The following DOCK3 variants were observed in gnomAD, a reference collection of about 807,000 sequenced individuals.
DOCK3 encodes dedicator of cytokinesis 3.
DOCK3 carries 60 observed loss-of-function variants against 265.6 expected under a neutral mutation model. The observed-to-expected ratio is 0.23, with a 90% CI of 0.18 to 0.28. The LOEUF is 0.28. Among genes scored for constraint, DOCK3 ranks in the 10% least tolerant of loss-of-function variants. The pLI, the probability that DOCK3 is intolerant of heterozygous loss-of-function variation, is 1.00. For synonymous variants in DOCK3, 881 were observed against 938.0 expected, an observed-to-expected ratio of 0.94 and a Z score of 1.11; for missense variants, 1,981 against 2,594.3, an observed-to-expected ratio of 0.76 and a Z score of 5.14.
chr3:50,844,633 A>T (rs879502812), intron 3 of DOCK3, among the ~76,000 whole-genome samples: 5 of 152,216 alleles, frequency 3.3e-5, no homozygotes, highest in Admixed American at 2.0e-4. Flanking sequence ...AAACATTTAG[A>T]AGGAGAAACT....
chr3:51,071,240 G>A (rs1436412237), intron 6 of DOCK3, among the ~76,000 whole-genome samples: 1 of 152,086 alleles, frequency 6.6e-6, no homozygotes, highest in African/African-American at 2.4e-5. Context: ...GTGTCCCTAG[G>A]TTGAACATGA....
At chr3:51,275,442 G>A (rs780418509) in intron 25 of DOCK3, among the ~76,000 whole-genome samples, 5 of 152,158 alleles carry the variant, frequency 3.3e-5, no homozygotes, top group Non-Finnish European at 7.3e-5. Context: ...CAGAAATATA[G>A]TTATCTGTAG....
chr3:51,040,790 G>C lies in DOCK3; in HGVS notation c.316-23658G>C, dbSNP rs138607674. On this transcript the variant is annotated intron_variant, in intron 5 of 52. Transcript: ENST00000266037. Reference sequence around the variant, plus strand: ...GTTCACAGCATCTTCACCAGGAGTAGATTCTGTCTCAGGAAACCACTTCCT... The same window carrying C: ...GTTCACAGCATCTTCACCAGGAGTACATTCTGTCTCAGGAAACCACTTCCT... 3.6e-3 allele frequency among the ~76,000 whole-genome samples: 552 copies of C among 152,234 alleles called. 6 individuals carry two copies. The highest frequency in any genetic ancestry group is 0.013 in the African/African-American group (529 of 41,552).
rs1431873534 is a variant in DOCK3, at chr3:51,356,464, C to T, written c.4474C>T (p.Arg1492Trp). Residue 1492 changes from arginine (R) to tryptophan (W), a missense_variant, in exon 43 of 53, where the codon CGG (arginine) becomes TGG (tryptophan). Coordinates refer to ENST00000266037, the MANE Select transcript of DOCK3 (RefSeq NM_004947.5). The stretch of plus-strand genomic sequence containing the variant: ...GACCCACAGCTTGCCTGGCATCTCT[C>T]GGTGGTTTGAAGTGGAGAGGAGGGA... Reference protein sequence around the residue: ...TLTHSLPGISRWFEVERRELV... With the variant: ...TLTHSLPGISWWFEVERRELV... 1 of 1,613,520 alleles carries T rather than the reference C, an allele frequency of 6.2e-7. No homozygotes were observed. Among genetic ancestry groups the T allele is most frequent in the Non-Finnish European group, 8.5e-7 (1 of 1,179,832 alleles).
intron 19 of DOCK3, among the ~76,000 whole-genome samples, chr3:51,234,871 G>A (rs2078288602): frequency 6.6e-6 from 1 of 152,158 alleles, no homozygotes; most frequent in African/African-American, 2.4e-5. Context: ...ACTTCCTGGT[G>A]GTGAAAGCCC....
At chr3:50,678,591 G>T (rs2034154472) in intron 1 of DOCK3, among the ~76,000 whole-genome samples, 1 of 152,164 alleles carries the variant, frequency 6.6e-6, no homozygotes. Context: ...CGTCTTAGAA[G>T]TGGAAGCTGC....
At chr3:51,219,326 G>A (rs1290998932) in intron 14 of DOCK3, among the ~76,000 whole-genome samples, 1 of 152,078 alleles carries the variant, frequency 6.6e-6, no homozygotes, top group Non-Finnish European at 1.5e-5. Context: ...TCTGCTTATT[G>A]CCTGCTTTGT....
At chr3:51,276,436 T>C (rs985084618) in intron 25 of DOCK3, 51 of 985,342 alleles carry the variant, frequency 5.2e-5, no homozygotes, top group Non-Finnish European at 5.8e-5. Context: ...GGAACACAAG[T>C]GGGAACCAGT....
At chr3:51,164,555 C>T (rs1388750008) in intron 12 of DOCK3, among the ~76,000 whole-genome samples, 3 of 141,382 alleles carry the variant, frequency 2.1e-5, no homozygotes, top group Non-Finnish European at 3.0e-5. Context: ...ACCCGGGAGG[C>T]AGAACTTGTA....
intron 4 of DOCK3, among the ~76,000 whole-genome samples, chr3:50,921,286 A>T (rs2050448215): frequency 2.0e-5 from 3 of 151,988 alleles, no homozygotes; most frequent in Non-Finnish European, 4.4e-5. Context: ...CTTCTGCTTC[A>T]TTTCATTCAG....
rs958619279 is a variant in DOCK3 at position 51,223,849 on chromosome 3, C to T, written c.1253-1800C>T. On this transcript the variant is annotated intron_variant, in intron 14 of 52. Coordinates refer to ENST00000266037, the MANE Select transcript of DOCK3 (RefSeq NM_004947.5). ...TATTCAGCCTTTGTCCTGACAGTAG[C>T]AGACTGATGAATTTGAGCTTCCTTT... 2.6e-5 allele frequency among the ~76,000 whole-genome samples: 4 copies of T among 152,178 alleles called. No homozygotes were observed. The South Asian group carries it at 6.2e-4, about 24-fold the overall frequency.
chr3:51,183,086 CT>C (rs2087397962), intron 12 of DOCK3, among the ~76,000 whole-genome samples: 1 of 152,210 alleles, frequency 6.6e-6, no homozygotes, highest in Non-Finnish European at 1.5e-5. Flanking sequence ...CTTTCTCCAT[CT>C]GCCACTTCCT....
chr3:51,073,080 G>A (rs1361549209), intron 6 of DOCK3, among the ~76,000 whole-genome samples: 3 of 151,918 alleles, frequency 2.0e-5, no homozygotes, highest in Non-Finnish European at 2.9e-5. Context: ...TTGTAGGCTA[G>A]TTCACATATA....
intron 5 of DOCK3, among the ~76,000 whole-genome samples, chr3:50,946,330 G>GT (rs767121470): frequency 1.3e-5 from 2 of 152,018 alleles, no homozygotes; most frequent in African/African-American, 2.4e-5. Flanking sequence ...GATAATGCCC[G>GT]TTTTTTGCTG....
chr3:51,310,267 C>G lies in DOCK3; in HGVS notation c.2958C>G (p.Asn986Lys). 6.2e-7 allele frequency: 1 copy of G among 1,606,264 alleles called. No homozygotes were observed. Among genetic ancestry groups the G allele is most frequent in the South Asian group, 1.1e-5 (1 of 88,968 alleles). The stretch of plus-strand genomic sequence containing the variant: ...TGAAGATTTTTTGCGTGTTCCGGAA[C>G]CTGATGAAGATGAGTGTCTTCCCTC... ...FLLKIFCVFR[N>K]LMKMSVFPRD... is the part of the protein sequence containing the mutation. The change falls in exon 28 of 53, where the codon AAC (asparagine) becomes AAG (lysine). Residue 986 changes from asparagine to lysine, a missense_variant. Around this residue, in one of 4 missense-constraint regions of DOCK3, gnomAD observed 1,357 missense variants for 1,866.8 expected, o/e 0.73. Transcript: ENST00000266037.
intron 5 of DOCK3, among the ~76,000 whole-genome samples, chr3:51,062,599 A>G (rs1348328635): frequency 2.0e-5 from 3 of 152,066 alleles, no homozygotes; most frequent in Admixed American, 2.0e-4. Flanking sequence ...TGATTTGCCT[A>G]TTGCCTGCTC....
chr3:50,938,253 CAG>C (rs1461370238), intron 5 of DOCK3, among the ~76,000 whole-genome samples: 1 of 151,956 alleles, frequency 6.6e-6, no homozygotes, highest in African/African-American at 2.4e-5. Flanking sequence ...CTTAATCTAA[CAG>C]AGGTGCAAAA....
rs1427173105 is a variant in DOCK3, at chr3:51,374,425, C to T, written c.5294-44C>T. On this transcript the variant is annotated intron_variant, in intron 49 of 52. Coordinates refer to ENST00000266037, the MANE Select transcript of DOCK3 (RefSeq NM_004947.5). This position sits in a 1 kb window ranked among gnomAD's most constrained non-coding sequence, Gnocchi z 4.8. ...GATGCTTGACTGCTGGACCCTCCAT[C>T]TGTGGCTTGTCATCTGTGCTTGATT... is the stretch of plus-strand genomic sequence containing the variant. 2.5e-6 allele frequency: 4 copies of T among 1,569,870 alleles called. No individual in the cohort carries two copies. The African/African-American group carries it at 4.1e-5, about 16-fold the overall frequency.
chr3:51,003,494 C>T (rs1314747310), intron 5 of DOCK3, among the ~76,000 whole-genome samples: 2 of 152,200 alleles, frequency 1.3e-5, no homozygotes, highest in African/African-American at 4.8e-5. Context: ...AAGTGAAAGA[C>T]ATACATTTAC....
Sources: gnomAD v4.1 joint callset for allele counts (sites outside exome capture counted in the v4.1 genomes callset) on GRCh38, gnomAD v4.1.1 for gene constraint, gnomAD v4.1.1 regional missense constraint, Gnocchi (gnomAD v3.1) non-coding constraint, MANE v1.5 for transcripts, NCBI Gene and HGNC (gene_info 2026-07-23, HGNC 2026-07-21) for gene names.